RABEP1: variants seen among roughly 807,000 people sequenced by gnomAD.
The protein encoded by RABEP1 is rabaptin, RAB GTPase binding effector protein 1.
A neutral mutation model predicts 123.4 loss-of-function variants in RABEP1; 51 were observed. That is an observed-to-expected ratio of 0.41 (90% CI 0.33 to 0.52). The LOEUF (loss-of-function observed/expected upper bound fraction) is 0.52. Among genes scored for constraint, RABEP1 ranks in the 20% least tolerant of loss-of-function variants. RABEP1 has a pLI of 0.16. For synonymous variants in RABEP1, 347 were observed against 355.2 expected (o/e 0.98, Z 0.26); for missense variants, 888 against 996.3 (o/e 0.89, Z 1.46).
At chr17:5,314,234 C>CTTTTTTTTTTTTTTTTTTTTT (rs71151864) in intron 2 of RABEP1, among the ~76,000 whole-genome samples, 1 of 55,560 alleles carries the variant, frequency 1.8e-5, no homozygotes, top group Non-Finnish European at 3.2e-5. Context: ...AGTACCTATT[C>CTTTTTTTTTTTTTTTTTTTTT]TTTTTTTTTT....
rs765079034 is a variant in RABEP1, at chr17:5,361,208, G to A, written c.1096G>A (p.Glu366Lys). The part of the protein sequence containing the change: ...ESSAQLSNEE[E>K]HLDSTRGSVH... ...GGCCATATGTATTTTCACATTTCAGGAGCATTTAGACAGCACCCGTGGCTC... is the reference window on the plus strand; with the variant it reads ...GGCCATATGTATTTTCACATTTCAGAAGCATTTAGACAGCACCCGTGGCTC... Residue 366 changes from glutamate (E) to lysine (K), a missense_variant and splice_region_variant, in exon 9 of 18, where the codon GAG (glutamate) becomes AAG (lysine). Physicochemically the swap from Glu to Lys is moderately conservative, Grantham distance 56 (BLOSUM62 1). Coordinates refer to ENST00000537505, the MANE Select transcript of RABEP1 (RefSeq NM_004703.6). 4 of 1,607,694 alleles carry A rather than the reference G, an allele frequency of 2.5e-6. No homozygotes were observed. Among genetic ancestry groups the A allele is most frequent in the African/African-American group, 1.3e-5 (1 of 74,744 alleles).
intron 8 of RABEP1, among the ~76,000 whole-genome samples, chr17:5,357,146 G>A (rs1419523716): frequency 6.6e-6 from 1 of 152,090 alleles, no homozygotes; most frequent in African/African-American, 2.4e-5. Context: ...AAAGTGCTGG[G>A]ATTGCAGGCT....
rs538024476 is a variant in RABEP1 at position 5,320,848 on chromosome 17, GAAGA to G, written c.164-11100_164-11097del. On this transcript the variant is annotated intron_variant, in intron 2 of 17. Coordinates refer to ENST00000537505, the MANE Select transcript of RABEP1 (RefSeq NM_004703.6). Reference sequence around the variant, plus strand: ...AATCACTTAGCCCCAAAGACAGAAAGAAGAGAGGAGTTACAAAACAACCAGAAAA... The same window carrying G: ...AATCACTTAGCCCCAAAGACAGAAAGGAGGAGTTACAAAACAACCAGAAAA... Among the ~76,000 whole-genome samples the G allele has an allele frequency of 8.3e-4, 126 of 152,312 alleles. 1 individual carries two copies. The highest frequency in any genetic ancestry group is 2.9e-3 in the African/African-American group (122 of 41,576).
intron 13 of RABEP1, among the ~76,000 whole-genome samples, chr17:5,376,039 C>T (rs970633249): frequency 7.2e-5 from 11 of 152,150 alleles, no homozygotes; most frequent in Admixed American, 7.2e-4. Flanking sequence ...TGTCTGGCTA[C>T]CATGTTGGCC....
chr17:5,293,957 TTTTC>T, intron 1 of RABEP1, among the ~76,000 whole-genome samples: 1 of 152,286 alleles, frequency 6.6e-6, no homozygotes, highest in African/African-American at 2.4e-5. Flanking sequence ...TTGTCATTAA[TTTTC>T]TTTCTATAAT....
chr17:5,369,684 C>G (rs1910368800), intron 12 of RABEP1, among the ~76,000 whole-genome samples: 1 of 151,870 alleles, frequency 6.6e-6, no homozygotes, highest in South Asian at 2.1e-4. Context: ...CCCCTTGCAT[C>G]TTTTTCCTTC....
intron 9 of RABEP1, 61 bp downstream of exon 9, chr17:5,361,736 G>C: frequency 7.2e-7 from 1 of 1,396,858 alleles, no homozygotes; most frequent in East Asian, 2.3e-5. Context: ...GGAAGCTCTG[G>C]GATTTAGCGT....
chr17:5,316,382 G>A (rs1475671805), intron 2 of RABEP1, among the ~76,000 whole-genome samples: 2 of 143,606 alleles, frequency 1.4e-5, no homozygotes, highest in Non-Finnish European at 3.0e-5. Context: ...CCCGGGAGGT[G>A]GAGGTTGCAG....
intron 6 of RABEP1, 142 bp from the exon 7 acceptor site, chr17:5,350,309 G>A (rs901843520): frequency 5.8e-5 from 47 of 804,070 alleles, no homozygotes; most frequent in Non-Finnish European, 8.3e-5. Flanking sequence ...GAACCCGGGA[G>A]GCAGAGCTTG....
rs1378125504 is a variant in RABEP1, at chr17:5,383,375, C to T, written c.*152C>T. The T allele has an allele frequency of 3.0e-5, 20 of 660,590 alleles. No homozygotes were observed. Among genetic ancestry groups the T allele is most frequent in the East Asian group, 2.5e-4 (9 of 36,172 alleles). The allele number at this position is 660,590 out of a possible 1,614,324, so 40.9% of individuals were successfully genotyped here. ...TTACTTCTAGAGGGAGAAGACTGTG[C>T]GGCACAGGAAACAGCAAACAGTGGG... On this transcript the variant is annotated 3_prime_UTR_variant, in exon 18 of 18. Coordinates refer to ENST00000537505, the MANE Select transcript of RABEP1 (RefSeq NM_004703.6).
At chr17:5,322,521 A>G (rs1905479975) in intron 2 of RABEP1, among the ~76,000 whole-genome samples, 1 of 152,210 alleles carries the variant, frequency 6.6e-6, no homozygotes, top group African/African-American at 2.4e-5. Flanking sequence ...AGAGACTGCA[A>G]TACAATAATA....
rs199659496 is a variant in RABEP1, at chr17:5,285,370, G to A, written c.34+2850G>A. Among the ~76,000 whole-genome samples the A allele has an allele frequency of 4.0e-5, 6 of 150,936 alleles. No individual in the cohort carries two copies. The East Asian group carries it at 1.2e-3, about 29-fold the overall frequency. On this transcript the variant is annotated intron_variant, in intron 1 of 17. Coordinates refer to ENST00000537505, the MANE Select transcript of RABEP1 (RefSeq NM_004703.6). ...TCTGGTCTTGAACCCCTGGGCTCAAGTGATTCTCCCATCTTGGCCTCTCAG... is the reference window on the plus strand; with the variant it reads ...TCTGGTCTTGAACCCCTGGGCTCAAATGATTCTCCCATCTTGGCCTCTCAG...
At chr17:5,379,575 C>T (rs1911281763) in intron 15 of RABEP1, among the ~76,000 whole-genome samples, 1 of 152,156 alleles carries the variant, frequency 6.6e-6, no homozygotes, top group Non-Finnish European at 1.5e-5. Flanking sequence ...CCTGCCTCCA[C>T]TTTGCTACTG....
intron 12 of RABEP1, 69 bp from the exon 13 acceptor site, chr17:5,373,245 T>C: frequency 6.8e-7 from 1 of 1,470,900 alleles, no homozygotes; most frequent in Non-Finnish European, 9.2e-7. Flanking sequence ...GACTTGTTTT[T>C]CTCTGGTGTA....
intron 2 of RABEP1, among the ~76,000 whole-genome samples, chr17:5,324,631 G>A (rs1567522693): frequency 6.6e-6 from 1 of 152,152 alleles, no homozygotes; most frequent in Non-Finnish European, 1.5e-5. Context: ...GAAGAGACAA[G>A]CTACAGAATG....
intron 1 of RABEP1, among the ~76,000 whole-genome samples, chr17:5,302,105 T>G (rs1424376009): frequency 6.6e-6 from 1 of 152,074 alleles, no homozygotes; most frequent in Non-Finnish European, 1.5e-5. Flanking sequence ...TAATGAAGCA[T>G]TTAGAAATCA....
At chr17:5,329,959 A>G (rs1402648694) in intron 2 of RABEP1, among the ~76,000 whole-genome samples, 5 of 152,060 alleles carry the variant, frequency 3.3e-5, no homozygotes, top group Non-Finnish European at 1.5e-5. Flanking sequence ...CATAATGACA[A>G]CATGGTAGTG....
chr17:5,354,238 A>C, intron 7 of RABEP1, 121 bp from the exon 8 acceptor site: 14 of 858,180 alleles, frequency 1.6e-5, no homozygotes, highest in Non-Finnish European at 2.4e-5. Context: ...AAAGAAGCGT[A>C]AGTATCCAGT....
chr17:5,362,379 C>T (rs1909628102), intron 9 of RABEP1, among the ~76,000 whole-genome samples: 1 of 152,148 alleles, frequency 6.6e-6, no homozygotes, highest in African/African-American at 2.4e-5. Flanking sequence ...TTGACTTAGT[C>T]GCAAAACCTG....
Sources: gnomAD v4.1 joint callset for allele counts (sites outside exome capture counted in the v4.1 genomes callset) on GRCh38, gnomAD v4.1.1 for gene constraint, MANE v1.5 for transcripts, NCBI Gene and HGNC (gene_info 2026-07-23, HGNC 2026-07-21) for gene names.